Variants in FBN1 observed in about 807,000 individuals in gnomAD.
FBN1 encodes fibrillin-1.
A neutral mutation model predicts 365.1 loss-of-function variants in FBN1; 29 were observed. The observed-to-expected ratio is 0.08, with a 90% CI of 0.06 to 0.11. The LOEUF (loss-of-function observed/expected upper bound fraction) is 0.11, where lower values mean the gene tolerates loss of function less well. Ranked by LOEUF, FBN1 falls within the 10% of genes least tolerant of loss-of-function variation. The pLI, the probability that FBN1 is intolerant of heterozygous loss-of-function variation, is 1.00. For synonymous variants in FBN1, 1,210 were observed against 1,270.5 expected (o/e 0.95, Z 1.01); for missense variants, 2,476 against 3,703.2 (o/e 0.67, Z 8.60).
chr15:48,420,420 A>G (rs2042931159), intron 63 of FBN1, among the ~76,000 whole-genome samples: 1 of 152,184 alleles, frequency 6.6e-6, no homozygotes, highest in Non-Finnish European at 1.5e-5. Context: ...CTAGCAGTGC[A>G]GCGGGAGGGT....
At chr15:48,596,609 G>A (rs1198582588) in intron 5 of FBN1, among the ~76,000 whole-genome samples, 1 of 152,154 alleles carries the variant, frequency 6.6e-6, no homozygotes, top group Non-Finnish European at 1.5e-5. Context: ...GTCTCATTCC[G>A]TGAAGCATCT....
chr15:48,468,212 G>C (rs1303563321), intron 37 of FBN1, 110 bp from the exon 38 acceptor site: 1 of 1,454,990 alleles, frequency 6.9e-7, no homozygotes, highest in East Asian at 2.3e-5. Flanking sequence ...CTTTTACTGA[G>C]AAACTAAAAA....
chr15:48,625,869 T>C (rs900342986), intron 2 of FBN1, among the ~76,000 whole-genome samples: 2 of 152,200 alleles, frequency 1.3e-5, no homozygotes, highest in African/African-American at 2.4e-5. Flanking sequence ...TCCTTAAATA[T>C]AGCAAGTTCA....
intron 2 of FBN1, among the ~76,000 whole-genome samples, chr15:48,627,598 T>A (rs536118365): frequency 6.6e-6 from 1 of 152,118 alleles, no homozygotes; most frequent in African/African-American, 2.4e-5. Flanking sequence ...AGGAAGACAA[T>A]GAGCTGCTCG....
chr15:48,447,249 C>G (rs2141250800), intron 46 of FBN1, among the ~76,000 whole-genome samples: 1 of 152,242 alleles, frequency 6.6e-6, no homozygotes, highest in Non-Finnish European at 1.5e-5. Context: ...AAAGCAGTGA[C>G]TCACCTGGCA....
intron 3 of FBN1, among the ~76,000 whole-genome samples, chr15:48,612,068 C>T (rs1016178469): frequency 3.3e-5 from 5 of 152,168 alleles, no homozygotes; most frequent in Non-Finnish European, 7.4e-5. Context: ...TTATAAAGTT[C>T]ATTGAGAAAA....
intron 64 of FBN1, 67 bp from the exon 65 acceptor site, chr15:48,412,810 T>C (rs2042874989): frequency 6.3e-7 from 1 of 1,580,560 alleles, no homozygotes; most frequent in East Asian, 2.2e-5. Context: ...GGTACAAGAG[T>C]TCTGGTGAAG....
chr15:48,441,182 AC>A (rs2043111834), intron 50 of FBN1, among the ~76,000 whole-genome samples: 2 of 152,186 alleles, frequency 1.3e-5, no homozygotes, highest in Non-Finnish European at 2.9e-5. Context: ...GAAAATCTTT[AC>A]TCAAATAGTT....
At chr15:48,446,338 C>T (rs1249328713) in intron 47 of FBN1, among the ~76,000 whole-genome samples, 1 of 152,018 alleles carries the variant, frequency 6.6e-6, no homozygotes, top group South Asian at 2.1e-4. Context: ...ACTTTTATTA[C>T]AGTATACTGT....
At chr15:48,639,601 G>T (rs562869881) in intron 2 of FBN1, among the ~76,000 whole-genome samples, 1 of 152,292 alleles carries the variant, frequency 6.6e-6, no homozygotes, top group South Asian at 2.1e-4. Flanking sequence ...ACTTAATGAT[G>T]AGTTAGTGGT....
At position 48,499,129 on chromosome 15, in the gene FBN1, G is replaced by A. The variant is rs550581345; in HGVS notation, c.2114-91C>T. The stretch of plus-strand genomic sequence containing the variant: ...TTTTGCACACATCATTTCCTCCAAA[G>A]TGAGTAGAACCAAACTTAAGTGGTA... On this transcript the variant is annotated intron_variant, in intron 17 of 65. Coordinates refer to ENST00000316623, the MANE Select transcript of FBN1 (RefSeq NM_000138.5). The A allele has an allele frequency of 8.8e-5, 116 of 1,314,106 alleles. No homozygotes were observed. The African/African-American group carries it at 1.5e-3, about 17-fold the overall frequency. The allele number at this position is 1,314,106 out of a possible 1,614,324, so 81.4% of individuals were successfully genotyped here. A position where few individuals can be genotyped will look rare whatever the true frequency, so the allele number is the denominator to read the frequency against.
In FBN1 at chr15:48,408,650, T is replaced by G. The variant is rs1255886761; in HGVS notation, c.*2340A>C. On this transcript the variant is annotated 3_prime_UTR_variant, in exon 66 of 66. Transcript: ENST00000316623. ...CAATTGAAAGGTACAGGTTTAAATC[T>G]CAGGATTAAAAAGAGTTCCAACAAG... 1 of 152,622 alleles carries G rather than the reference T, an allele frequency of 6.6e-6. No individual in the cohort carries two copies. Among genetic ancestry groups the G allele is most frequent in the Non-Finnish European group, 1.5e-5 (1 of 68,040 alleles). The allele number at this position is 152,622 out of a possible 1,614,324, so 9.5% of individuals were successfully genotyped here.
intron 56 of FBN1, among the ~76,000 whole-genome samples, chr15:48,429,402 C>A (rs957310536): frequency 1.3e-5 from 2 of 151,998 alleles, no homozygotes; most frequent in South Asian, 4.2e-4. Context: ...TTTAAAAAAA[C>A]ATTAAAATAT....
chr15:48,437,974 C>T, intron 50 of FBN1, 57 bp from the exon 51 acceptor site: 1 of 1,574,556 alleles, frequency 6.4e-7, no homozygotes, highest in Non-Finnish European at 8.7e-7. Context: ...CCGTATTGCA[C>T]CATAGCAAAT....
intron 2 of FBN1, among the ~76,000 whole-genome samples, chr15:48,621,278 G>A (rs1889760398): frequency 6.6e-6 from 1 of 152,156 alleles, no homozygotes; most frequent in African/African-American, 2.4e-5. Context: ...ATAAAGGGAG[G>A]GGGAGGAAGT....
intron 9 of FBN1, among the ~76,000 whole-genome samples, chr15:48,523,643 GACC>G (rs2043879953): frequency 6.8e-6 from 1 of 146,758 alleles, no homozygotes; most frequent in Non-Finnish European, 1.5e-5. Flanking sequence ...TGGAGTAAAT[GACC>G]TCCAGGACAC....
In FBN1 at chr15:48,498,851, G is replaced by C. The variant is rs373653824; in HGVS notation, c.2167+134C>G. The C allele has an allele frequency of 1.1e-5, 10 of 895,916 alleles. No individual in the cohort carries two copies. The East Asian group carries it at 1.2e-4, about 11-fold the overall frequency. 55.5% of individuals were successfully genotyped at this position (895,916 alleles called of 1,614,324 possible). A position where few individuals can be genotyped will look rare whatever the true frequency, so the allele number is the denominator to read the frequency against. ...CCACTGAAGGCTTCTGAGCATCCCA[G>C]ATACATGGCACAGTGATGGCCAGAG... is the stretch of plus-strand genomic sequence containing the variant. On this transcript the variant is annotated intron_variant, in intron 18 of 65. Coordinates refer to ENST00000316623, the MANE Select transcript of FBN1 (RefSeq NM_000138.5).
At chr15:48,488,905 A>G (rs891491242) in intron 25 of FBN1, among the ~76,000 whole-genome samples, 1 of 152,222 alleles carries the variant, frequency 6.6e-6, no homozygotes, top group Non-Finnish European at 1.5e-5. Flanking sequence ...TGAGATATTC[A>G]CTTAATACTG....
At chr15:48,639,610 G>A (rs1043750056) in intron 2 of FBN1, among the ~76,000 whole-genome samples, 1 of 152,160 alleles carries the variant, frequency 6.6e-6, no homozygotes, top group Non-Finnish European at 1.5e-5. Flanking sequence ...TGAGTTAGTG[G>A]TAAAATGCTT....
Sources: allele counts gnomAD v4.1 joint callset (sites outside exome capture counted in the v4.1 genomes callset), GRCh38; gene constraint gnomAD v4.1.1; transcripts MANE v1.5; gene names NCBI Gene and HGNC (gene_info 2026-07-23, HGNC 2026-07-21).